PLA2G4A: variants seen among roughly 807,000 people sequenced by gnomAD.
PLA2G4A encodes the protein cytosolic phospholipase A2.
In PLA2G4A, 40 loss-of-function variants were observed where a neutral mutation model predicts 81.9. That is an observed-to-expected ratio of 0.49 (90% CI 0.38 to 0.64). PLA2G4A has a LOEUF of 0.64. Ranked by LOEUF, PLA2G4A falls within the 30% of genes least tolerant of loss-of-function variation. The pLI is 0.00. For synonymous variants in PLA2G4A, 302 were observed against 296.9 expected (o/e 1.02, Z -0.18); for missense variants, 715 against 905.1 (o/e 0.79, Z 2.69).
At chr1:186,980,824 C>T (rs561378277) in intron 17 of PLA2G4A, among the ~76,000 whole-genome samples, 8 of 152,196 alleles carry the variant, frequency 5.3e-5, no homozygotes, top group African/African-American at 1.9e-4. Flanking sequence ...ATTCTTACAA[C>T]TCTAAAATTC....
chr1:186,936,089 T>C (rs1053528655), intron 8 of PLA2G4A, among the ~76,000 whole-genome samples: 67 of 151,940 alleles, frequency 4.4e-4, no homozygotes, highest in African/African-American at 1.5e-3. Context: ...TGTTCTTTTA[T>C]AGCATTGTAA....
chr1:186,851,897 G>T (rs1002680770), intron 1 of PLA2G4A, among the ~76,000 whole-genome samples: 2 of 151,890 alleles, frequency 1.3e-5, no homozygotes, highest in African/African-American at 4.8e-5. Context: ...AAAATAATAA[G>T]AGATAAAGGA....
intron 7 of PLA2G4A, among the ~76,000 whole-genome samples, chr1:186,923,778 T>G (rs1238835535): frequency 6.6e-6 from 1 of 152,234 alleles, no homozygotes; most frequent in African/African-American, 2.4e-5. Context: ...CAACTTTATT[T>G]GGGAGAACGT....
At chr1:186,938,979 T>G (rs1419076430) in intron 8 of PLA2G4A, 29 bp from the exon 9 acceptor site, 5 of 1,130,770 alleles carry the variant, frequency 4.4e-6, no homozygotes, top group Non-Finnish European at 6.8e-6. Flanking sequence ...CTCTTTATCT[T>G]TACTGATTGT....
chr1:186,903,650 T>C (rs1341216154), intron 5 of PLA2G4A, among the ~76,000 whole-genome samples: 1 of 152,198 alleles, frequency 6.6e-6, no homozygotes, highest in Non-Finnish European at 1.5e-5. Context: ...TCTAGGTTCA[T>C]GCTGCTTATG....
In PLA2G4A at chr1:186,954,684, AAC is replaced by A. The variant is rs201626041; in HGVS notation, c.1337-1404_1337-1403del. Among the ~76,000 whole-genome samples, 950 of 151,342 alleles carry A rather than the reference AAC, an allele frequency of 6.3e-3. 5 individuals carry two copies. Among genetic ancestry groups the A allele is most frequent in the Non-Finnish European group, 8.9e-3 (606 of 67,784 alleles). ...AGAATCTCTTTTTTCTCTTTATTTCAACACACACACACACAATCACGCACACA... is the reference window on the plus strand; with the variant it reads ...AGAATCTCTTTTTTCTCTTTATTTCAACACACACACACAATCACGCACACA... On this transcript the variant is annotated intron_variant, in intron 13 of 17. Coordinates refer to ENST00000367466, the MANE Select transcript of PLA2G4A (RefSeq NM_024420.3).
At chr1:186,930,949 T>C (rs1213062127) in intron 7 of PLA2G4A, among the ~76,000 whole-genome samples, 1 of 152,166 alleles carries the variant, frequency 6.6e-6, no homozygotes, top group Non-Finnish European at 1.5e-5. Context: ...TCATTATTGT[T>C]ATTATACTGC....
intron 13 of PLA2G4A, among the ~76,000 whole-genome samples, chr1:186,955,827 G>A (rs928516440): frequency 2.8e-5 from 4 of 143,148 alleles, no homozygotes; most frequent in East Asian, 2.1e-4. Flanking sequence ...TCCGCCTCCC[G>A]GGTTCAAGCG....
intron 8 of PLA2G4A, among the ~76,000 whole-genome samples, chr1:186,933,622 C>T (rs1655830051): frequency 6.6e-6 from 1 of 152,140 alleles, no homozygotes; most frequent in African/African-American, 2.4e-5. Context: ...CATCTTATTA[C>T]TAAAGATCTG....
intron 2 of PLA2G4A, among the ~76,000 whole-genome samples, chr1:186,866,325 T>G (rs1327403356): frequency 2.0e-5 from 3 of 152,206 alleles, no homozygotes; most frequent in African/African-American, 7.2e-5. Context: ...TACTCTCTTA[T>G]TAATCCTTAA....
intron 6 of PLA2G4A, among the ~76,000 whole-genome samples, chr1:186,908,473 T>C (rs1291288829): frequency 6.6e-6 from 1 of 151,964 alleles, no homozygotes; most frequent in Non-Finnish European, 1.5e-5. Flanking sequence ...ACTTATTTAC[T>C]CACTGGTAAA....
intron 15 of PLA2G4A, among the ~76,000 whole-genome samples, chr1:186,966,873 C>G (rs1414009458): frequency 2.0e-5 from 3 of 152,148 alleles, no homozygotes; most frequent in African/African-American, 7.2e-5. Flanking sequence ...CTCCTTGTGA[C>G]TAGAACTCTG....
intron 3 of PLA2G4A, among the ~76,000 whole-genome samples, chr1:186,875,085 A>G (rs558547567): frequency 2.0e-5 from 3 of 152,174 alleles, no homozygotes; most frequent in Admixed American, 2.0e-4. Flanking sequence ...TAGATTCCGA[A>G]TTTCTAACAT....
At chr1:186,882,994 G>GTT (rs78286307) in intron 3 of PLA2G4A, among the ~76,000 whole-genome samples, 289 of 151,358 alleles carry the variant, frequency 1.9e-3, no homozygotes, top group Middle Eastern at 0.01. Flanking sequence ...TTTTATTTTA[G>GTT]TTTTTTTTTG....
chr1:186,876,217 G>T (rs1408850570), intron 3 of PLA2G4A, among the ~76,000 whole-genome samples: 1 of 152,020 alleles, frequency 6.6e-6, no homozygotes, highest in African/African-American at 2.4e-5. Context: ...TTTTTTTAAC[G>T]GTTTATTTTG....
intron 5 of PLA2G4A, 28 bp from the exon 6 acceptor site, chr1:186,906,937 C>T (rs781477709): frequency 7.1e-6 from 9 of 1,271,538 alleles, no homozygotes; most frequent in Non-Finnish European, 1.0e-5. Flanking sequence ...ACTTTATGAC[C>T]TAATCTGATT....
chr1:186,844,259 G>A (rs1309595647), intron 1 of PLA2G4A, among the ~76,000 whole-genome samples: 1 of 152,062 alleles, frequency 6.6e-6, no homozygotes, highest in African/African-American at 2.4e-5. Flanking sequence ...AATTCCTATT[G>A]TTTCTTTATT....
At chr1:186,890,360 G>A (rs1411282038) in intron 3 of PLA2G4A, among the ~76,000 whole-genome samples, 1 of 152,140 alleles carries the variant, frequency 6.6e-6, no homozygotes, top group Non-Finnish European at 1.5e-5. Context: ...TGTGTCCAGT[G>A]CTGTAAGACA....
chr1:186,852,366 A>G (rs1429973124), intron 1 of PLA2G4A, among the ~76,000 whole-genome samples: 1 of 152,036 alleles, frequency 6.6e-6, no homozygotes, highest in Non-Finnish European at 1.5e-5. Flanking sequence ...CTTACTAACA[A>G]TAGCAGCCAG....
Sources: allele counts gnomAD v4.1 joint callset (sites outside exome capture counted in the v4.1 genomes callset), GRCh38; gene constraint gnomAD v4.1.1; transcripts MANE v1.5; gene names NCBI Gene and HGNC (gene_info 2026-07-23, HGNC 2026-07-21).